The following TAF7L variants were observed in gnomAD, a reference collection of about 807,000 sequenced individuals.
TAF7L encodes TATA-box binding protein associated factor 7 like.
Under a neutral mutation model 30.2 loss-of-function variants are expected in TAF7L, and 6 were observed. The observed-to-expected ratio is 0.20, with a 90% CI of 0.11 to 0.39. The LOEUF (loss-of-function observed/expected upper bound fraction) is 0.39, where lower values mean the gene tolerates loss of function less well. TAF7L is among the 10% of genes least tolerant of loss of function. The probability of loss-of-function intolerance (pLI) is 1.00; values close to 1 mark genes in which losing one functional copy is unlikely to be tolerated. For missense variants in TAF7L, 284 were observed against 277.1 expected, an observed-to-expected ratio of 1.03 and a Z score of -0.18; for synonymous variants, 93 against 94.5, an observed-to-expected ratio of 0.98 and a Z score of 0.09.
chrX:101,292,766 G>A, upstream of TAF7L: 1 of 1,198,591 alleles, frequency 8.3e-7, no homozygotes, highest in Non-Finnish European at 1.1e-6. Context: ...TCGGCTGGGG[G>A]AACAAGCTTA....
intron 12 of TAF7L, among the ~76,000 whole-genome samples, chrX:101,273,859 C>G (rs1413108913): frequency 8.9e-6 from 1 of 112,178 alleles, no homozygotes; most frequent in African/African-American, 3.2e-5. Flanking sequence ...TTTGCCTGGA[C>G]TTAATCCTTC....
chrX:101,277,151 C>CAAAAA (rs35984328), intron 9 of TAF7L, among the ~76,000 whole-genome samples: 4 of 16,021 alleles, frequency 2.5e-4, no homozygotes, highest in African/African-American at 5.6e-4. Flanking sequence ...GACTCTGTCT[C>CAAAAA]AAAAAAAAAA....
intron 9 of TAF7L, 50 bp downstream of exon 9, chrX:101,277,556 A>T: frequency 4.6e-6 from 3 of 653,451 alleles, no homozygotes; most frequent in Non-Finnish European, 6.6e-6. Flanking sequence ...TCTGATACCC[A>T]GTCAATACCT....
At position 101,279,012 on chromosome X, in the gene TAF7L, T is replaced by C. The variant is rs377646158; in HGVS notation, c.486A>G (p.Glu162=). Residue 162 remains glutamate, a synonymous_variant, in exon 7 of 13, where the codon GAA becomes GAG. Transcript: ENST00000356784. ...GCTCTACCTCAGTAAAGCTGCTTTT[T>C]TCCATTTCTTTGACATCAGGGACCT... ...QKKVPDVKEM[E]KSSFTEYIES... 37 of 1,203,901 alleles carry C rather than the reference T, an allele frequency of 3.1e-5. No individual in the cohort carries two copies. Among genetic ancestry groups the C allele is most frequent in the Non-Finnish European group, 4.2e-5 (37 of 890,289 alleles).
chrX:101,292,437 CAAAAA>C (rs145821944), upstream of TAF7L, among the ~76,000 whole-genome samples: 1 of 35,741 alleles, frequency 2.8e-5, no homozygotes, highest in East Asian at 1.2e-3. Flanking sequence ...GAAACTCCGT[CAAAAA>C]AAAAAAAAAA....
chrX:101,285,164 T>G (rs1935568256), intron 3 of TAF7L, among the ~76,000 whole-genome samples: 1 of 110,688 alleles, frequency 9.0e-6, no homozygotes, highest in African/African-American at 3.3e-5. Context: ...TTGTTCTATT[T>G]TTAGTTTTCT....
Position 101,277,442 on chromosome X carries a change from A to C in TAF7L, c.691+164T>G, listed in dbSNP as rs189376258. Among the ~76,000 whole-genome samples the C allele has an allele frequency of 5.3e-3, 357 of 67,459 alleles. 1 individual carries two copies. Among genetic ancestry groups the C allele is most frequent in the African/African-American group, 0.02 (335 of 16,859 alleles). The allele number at this position is 67,459 out of a possible 115,157, so 58.6% of individuals were successfully genotyped here. ...ACTCCAGCCTGGGCGACAGAGCAAG[A>C]CTCCATCTCAAAAAAAAAAAAAAAA... On this transcript the variant is annotated intron_variant, in intron 9 of 12. Coordinates refer to ENST00000356784, the MANE Select transcript of TAF7L (RefSeq NM_001168474.2).
intron 12 of TAF7L, 140 bp downstream of exon 12, chrX:101,275,082 G>T: frequency 2.0e-6 from 1 of 488,520 alleles, no homozygotes; most frequent in Non-Finnish European, 3.5e-6. Flanking sequence ...CAAAGACCTT[G>T]TTCCACCCTG....
chrX:101,292,262 A>AAT (rs1555970319), upstream of TAF7L, among the ~76,000 whole-genome samples: 68 of 29,520 alleles, frequency 2.3e-3, 2 homozygotes, highest in African/African-American at 8.3e-3. Context: ...TAAATAAAAA[A>AAT]AATAAATAAA....
chrX:101,292,908 G>T (rs1414784809), upstream of TAF7L: 1 of 1,211,295 alleles, frequency 8.3e-7, no homozygotes, highest in Non-Finnish European at 1.1e-6. Flanking sequence ...CAATGTCGGC[G>T]CTGCTTTCAT....
intron 1 of TAF7L, 22 bp from the exon 2 acceptor site, chrX:101,287,567 G>A: frequency 8.4e-7 from 1 of 1,185,837 alleles, no homozygotes; most frequent in Non-Finnish European, 1.1e-6. Context: ...GTTCATGAAA[G>A]CAAAAAGAAA....
At chrX:101,292,256 TA>T (rs1217209786), upstream of TAF7L, among the ~76,000 whole-genome samples, 14 of 14,100 alleles carry the variant, frequency 9.9e-4, no homozygotes, top group Non-Finnish European at 1.3e-3. Flanking sequence ...AAAAAATAAA[TA>T]AAAAAAATAA....
Position 101,269,151 on chromosome X carries a change from G to C in TAF7L, c.*42C>G, listed in dbSNP as rs1279265271. 1 of 1,170,655 alleles carries C rather than the reference G, an allele frequency of 8.5e-7. No individual in the cohort carries two copies. Among genetic ancestry groups the C allele is most frequent in the Non-Finnish European group, 1.2e-6 (1 of 861,278 alleles). Reference sequence around the variant, plus strand: ...ACAGTTTCATCCAATCTGCAGTCTGGATGGTGAATCCAAGGTTTGTGGGCC... The same window carrying C: ...ACAGTTTCATCCAATCTGCAGTCTGCATGGTGAATCCAAGGTTTGTGGGCC... On this transcript the variant is annotated 3_prime_UTR_variant, in exon 13 of 13. Coordinates refer to ENST00000356784, the MANE Select transcript of TAF7L (RefSeq NM_001168474.2).
At chrX:101,287,649 C>A (rs1239942609) in intron 1 of TAF7L, 104 bp from the exon 2 acceptor site, 32 of 562,449 alleles carry the variant, frequency 5.7e-5, no homozygotes, top group Non-Finnish European at 8.6e-5. Flanking sequence ...TATACAAGAT[C>A]TTGCCCATAA....
intron 1 of TAF7L, 180 bp from the exon 2 acceptor site, chrX:101,287,725 G>C (rs1798736145): frequency 2.8e-6 from 1 of 362,072 alleles, no homozygotes; most frequent in South Asian, 8.8e-5. Flanking sequence ...ATTATTTCTA[G>C]ACGTTACCTT....
At position 101,277,644 on chromosome X, in the gene TAF7L, G is replaced by A. The variant is rs371127896; in HGVS notation, c.653C>T (p.Ser218Leu). ...ACCCTGCTTGTGGCTGCTCATTCCCGAGGATATCAAAAATCCTGGGATGGA... is the reference window on the plus strand; with the variant it reads ...ACCCTGCTTGTGGCTGCTCATTCCCAAGGATATCAAAAATCCTGGGATGGA... Reference protein sequence around the residue: ...QGSIPGFLISSGMSSHKQGHT... With the variant: ...QGSIPGFLISLGMSSHKQGHT... Residue 218 changes from serine (S) to leucine (L), a missense_variant, in exon 9 of 13, where the codon TCG becomes TTG. Transcript: ENST00000356784. 54 of 1,199,749 alleles carry A rather than the reference G, an allele frequency of 4.5e-5. No homozygotes were observed. Among genetic ancestry groups the A allele is most frequent in the Non-Finnish European group, 5.8e-5 (52 of 891,847 alleles).
chrX:101,292,920 G>A (rs767902595), upstream of TAF7L: 12 of 1,211,356 alleles, frequency 9.9e-6, no homozygotes, highest in South Asian at 2.1e-4. Context: ...TGCTTTCATA[G>A]GTGGTTTCAG....
chrX:101,275,922 G>A, intron 11 of TAF7L, 78 bp downstream of exon 11: 1 of 716,080 alleles, frequency 1.4e-6, no homozygotes, highest in Non-Finnish European at 2.1e-6. Flanking sequence ...CCTGCACAGA[G>A]ATAACATAAG....
intron 1 of TAF7L, among the ~76,000 whole-genome samples, chrX:101,289,001 T>C (rs1347045415): frequency 9.0e-6 from 1 of 111,235 alleles, no homozygotes; most frequent in Non-Finnish European, 1.9e-5. Flanking sequence ...CCCACTACTA[T>C]TGGACCAGCC....
Sources: allele counts gnomAD v4.1 joint callset (sites outside exome capture counted in the v4.1 genomes callset), GRCh38; gene constraint gnomAD v4.1.1; transcripts MANE v1.5; gene names NCBI Gene and HGNC (gene_info 2026-07-23, HGNC 2026-07-21).